MYCBP2: variants seen among roughly 807,000 people sequenced by gnomAD.
MYCBP2 encodes E3 ubiquitin-protein ligase MYCBP2.
Under a neutral mutation model 525.3 loss-of-function variants are expected in MYCBP2, and 120 were observed. The ratio of observed to expected loss-of-function variants is 0.23; its 90% CI spans 0.20 to 0.27. The LOEUF (loss-of-function observed/expected upper bound fraction) is 0.27, where lower values mean the gene tolerates loss of function less well. Among genes scored for constraint, MYCBP2 ranks in the 10% least tolerant of loss-of-function variants. MYCBP2 has a pLI of 1.00. For missense variants in MYCBP2, 4,149 were observed against 5,657.1 expected, an observed-to-expected ratio of 0.73 and a Z score of 8.55; for synonymous variants, 1,894 against 1,955.8, an observed-to-expected ratio of 0.97 and a Z score of 0.83.
At chr13:77,183,458 A>G (rs552599282) in intron 32 of MYCBP2, among the ~76,000 whole-genome samples, 233 of 147,810 alleles carry the variant, frequency 1.6e-3, no homozygotes, top group African/African-American at 5.5e-3. Flanking sequence ...TGATAAAATT[A>G]TATTTTTCAA....
At chr13:77,322,673 A>T (rs1321369422) in intron 1 of MYCBP2, among the ~76,000 whole-genome samples, 2 of 152,232 alleles carry the variant, frequency 1.3e-5, no homozygotes, top group Non-Finnish European at 2.9e-5. Flanking sequence ...GACAAAGTCT[A>T]ATTAACTTGC....
intron 69 of MYCBP2, among the ~76,000 whole-genome samples, chr13:77,069,692 TAA>T (rs752290620): frequency 1.1e-4 from 8 of 70,386 alleles, no homozygotes; most frequent in Middle Eastern, 0.01. Context: ...CCGTCTGTAC[TAA>T]AAAAAAAAAA....
chr13:77,092,777 G>A (rs916360490), intron 59 of MYCBP2, among the ~76,000 whole-genome samples: 1 of 151,990 alleles, frequency 6.6e-6, no homozygotes, highest in Non-Finnish European at 1.5e-5. Context: ...TCAGCTTTCC[G>A]AGAAGCTCTT....
intron 52 of MYCBP2, among the ~76,000 whole-genome samples, chr13:77,135,569 A>G (rs2053620714): frequency 6.6e-6 from 1 of 152,190 alleles, no homozygotes; most frequent in Non-Finnish European, 1.5e-5. Flanking sequence ...CTGACTCTGT[A>G]TGAGTCCTCA....
intron 1 of MYCBP2, among the ~76,000 whole-genome samples, chr13:77,307,488 C>T (rs777478061): frequency 2.0e-5 from 3 of 150,952 alleles, no homozygotes; most frequent in Admixed American, 6.6e-5. Flanking sequence ...TAGCCAGGCA[C>T]GGTGGCATGT....
intron 13 of MYCBP2, among the ~76,000 whole-genome samples, chr13:77,258,741 T>G (rs573348663): frequency 6.6e-6 from 1 of 152,258 alleles, no homozygotes; most frequent in East Asian, 1.9e-4. Flanking sequence ...AGTTATTTAT[T>G]ATTATTATTA....
chr13:77,076,896 A>G (rs370096587), intron 67 of MYCBP2, 47 bp from the exon 68 acceptor site: 71 of 1,411,858 alleles, frequency 5.0e-5, no homozygotes, highest in African/African-American at 3.8e-4. Flanking sequence ...AGGCATTAAC[A>G]CTATATTGGC....
At chr13:77,250,019 C>T (rs970751435) in intron 15 of MYCBP2, among the ~76,000 whole-genome samples, 3 of 151,850 alleles carry the variant, frequency 2.0e-5, no homozygotes, top group East Asian at 3.9e-4. Context: ...GTCAGGAGAT[C>T]GAGACCATCC....
At chr13:77,145,544 T>A (rs1594892561) in intron 48 of MYCBP2, among the ~76,000 whole-genome samples, 1 of 152,112 alleles carries the variant, frequency 6.6e-6, no homozygotes, top group East Asian at 1.9e-4. Context: ...CCCCATGAGT[T>A]TCAAACTGGT....
intron 50 of MYCBP2, among the ~76,000 whole-genome samples, chr13:77,140,610 T>C (rs886209511): frequency 6.6e-6 from 1 of 152,218 alleles, no homozygotes; most frequent in African/African-American, 2.4e-5. Flanking sequence ...TTCAGTAGAC[T>C]TTTGTTCATT....
At chr13:77,207,629 A>G (rs1483112112) in intron 23 of MYCBP2, among the ~76,000 whole-genome samples, 1 of 151,950 alleles carries the variant, frequency 6.6e-6, no homozygotes, top group South Asian at 2.1e-4. Flanking sequence ...AAAAAATTTT[A>G]AATTATTTTT....
intron 52 of MYCBP2, chr13:77,129,485 CGTT>C (rs909770488): frequency 3.6e-6 from 1 of 280,424 alleles, no homozygotes; most frequent in Non-Finnish European, 6.6e-6. Context: ...AAGAGCCAGA[CGTT>C]GTTATAAAGC....
intron 62 of MYCBP2, among the ~76,000 whole-genome samples, chr13:77,085,712 T>C (rs574575242): frequency 3.3e-5 from 5 of 152,318 alleles, no homozygotes; most frequent in Middle Eastern, 6.8e-3. Flanking sequence ...TGAATGCTTC[T>C]GGCATCTGAA....
chr13:77,298,805 GA>G (rs1388467267), intron 1 of MYCBP2, among the ~76,000 whole-genome samples: 1 of 152,116 alleles, frequency 6.6e-6, no homozygotes, highest in Non-Finnish European at 1.5e-5. Flanking sequence ...AAGAGAAAGA[GA>G]AAGATTAACA....
intron 48 of MYCBP2, among the ~76,000 whole-genome samples, chr13:77,144,870 C>G (rs914771670): frequency 2.0e-5 from 3 of 152,196 alleles, no homozygotes; most frequent in Non-Finnish European, 2.9e-5. Context: ...TGCCTTCTCT[C>G]ATGGTAGAAT....
At chr13:77,066,339 T>C (rs2040194856) in intron 71 of MYCBP2, among the ~76,000 whole-genome samples, 1 of 152,214 alleles carries the variant, frequency 6.6e-6, no homozygotes, top group Non-Finnish European at 1.5e-5. Context: ...AGAAGTACAG[T>C]CCAGGGACCA....
intron 21 of MYCBP2, among the ~76,000 whole-genome samples, chr13:77,213,909 G>A (rs898866886): frequency 6.6e-6 from 1 of 152,188 alleles, no homozygotes; most frequent in Non-Finnish European, 1.5e-5. Flanking sequence ...AATTCCAAGA[G>A]TTCTCTCCAC....
intron 21 of MYCBP2, among the ~76,000 whole-genome samples, chr13:77,217,192 T>TCAGA (rs2064940699): frequency 6.6e-6 from 1 of 152,252 alleles, no homozygotes; most frequent in African/African-American, 2.4e-5. Flanking sequence ...AAATGTCATC[T>TCAGA]CAGACACTTA....
At chr13:77,072,356 G>A (rs2154089585) in intron 68 of MYCBP2, among the ~76,000 whole-genome samples, 1 of 150,224 alleles carries the variant, frequency 6.7e-6, no homozygotes, top group Non-Finnish European at 1.5e-5. Flanking sequence ...AAAACATTGT[G>A]AATTGAATGA....
Sources: allele counts gnomAD v4.1 joint callset (sites outside exome capture counted in the v4.1 genomes callset), GRCh38; gene constraint gnomAD v4.1.1; transcripts MANE v1.5; gene names NCBI Gene and HGNC (gene_info 2026-07-23, HGNC 2026-07-21).